PTPRS: variants seen among roughly 807,000 people sequenced by gnomAD.
PTPRS encodes protein tyrosine phosphatase receptor type S, also known as receptor-type tyrosine-protein phosphatase S.
A neutral mutation model predicts 215.3 loss-of-function variants in PTPRS; 63 were observed. That is an observed-to-expected ratio of 0.29 (90% CI 0.24 to 0.36). PTPRS has a LOEUF of 0.36. Ranked by LOEUF, PTPRS falls within the 10% of genes least tolerant of loss-of-function variation. The probability of loss-of-function intolerance (pLI) is 1.00; values close to 1 mark genes in which losing one functional copy is unlikely to be tolerated. For missense variants in PTPRS, 2,258 were observed against 2,825.8 expected (o/e 0.80, Z 4.56); for synonymous variants, 1,404 against 1,191.4 (o/e 1.18, Z -3.68).
chr19:5,309,271 C>T (rs960621881), intron 1 of PTPRS, among the ~76,000 whole-genome samples: 2 of 152,196 alleles, frequency 1.3e-5, no homozygotes, highest in African/African-American at 4.8e-5. Context: ...TGGGCTTCAG[C>T]CCCCTGGTCT....
At chr19:5,284,188 G>A (rs1287772485) in intron 2 of PTPRS, among the ~76,000 whole-genome samples, 4 of 150,092 alleles carry the variant, frequency 2.7e-5, no homozygotes, top group Non-Finnish European at 4.4e-5. Flanking sequence ...GTGAAACCCC[G>A]TCTCTACTAA....
At chr19:5,286,595 G>A (rs767534123) in intron 1 of PTPRS, among the ~76,000 whole-genome samples, 7 of 152,162 alleles carry the variant, frequency 4.6e-5, no homozygotes, top group Non-Finnish European at 8.8e-5. Flanking sequence ...TGAGGACACA[G>A]GGAGAAGATG....
At chr19:5,212,300 G>A (rs45439595) in intron 31 of PTPRS, 37 bp downstream of exon 31, 57,483 of 1,608,798 alleles carry the variant, frequency 0.036, 1,292 homozygotes, top group Middle Eastern at 0.096. Context: ...TGCGGGGACC[G>A]GGGGGAAGCG....
chr19:5,262,511 C>T (rs1390725287), intron 6 of PTPRS, among the ~76,000 whole-genome samples: 1 of 152,178 alleles, frequency 6.6e-6, no homozygotes, highest in Admixed American at 6.5e-5. Flanking sequence ...CCAGTAGCAG[C>T]TAGGCTGGAA....
rs1189981737 is a variant in PTPRS at position 5,244,679 on chromosome 19, C to T, written c.989-197G>A. ...CCAGGGTCCACCCAGTACCCATTTT[C>T]TTTTTTTAATTTTTCTTTGAGATGG... On this transcript the variant is annotated intron_variant, in intron 10 of 37. Transcript: ENST00000262963. This position sits in a 1 kb window ranked among gnomAD's most constrained non-coding sequence, Gnocchi z 7.2. Among the ~76,000 whole-genome samples, 2 of 152,112 alleles carry T rather than the reference C, an allele frequency of 1.3e-5. No individual in the cohort carries two copies. Among genetic ancestry groups the T allele is most frequent in the African/African-American group, 2.4e-5 (1 of 41,424 alleles).
intron 2 of PTPRS, among the ~76,000 whole-genome samples, chr19:5,284,222 T>C (rs2048126968): frequency 6.6e-6 from 1 of 151,410 alleles, no homozygotes; most frequent in African/African-American, 2.4e-5. Flanking sequence ...TAGCCGGGTG[T>C]GGTGGCTGGC....
intron 1 of PTPRS, among the ~76,000 whole-genome samples, chr19:5,311,281 A>G (rs183427647): frequency 6.5e-4 from 99 of 152,142 alleles, no homozygotes; most frequent in African/African-American, 2.2e-3. Context: ...AAGTGCTGGG[A>G]TTATAGGCTG....
chr19:5,325,465 G>A (rs2050143507), intron 1 of PTPRS, among the ~76,000 whole-genome samples: 1 of 152,224 alleles, frequency 6.6e-6, no homozygotes, highest in South Asian at 2.1e-4. Context: ...TCTCAAACCA[G>A]CGCATCTGAG....
intron 13 of PTPRS, among the ~76,000 whole-genome samples, chr19:5,233,135 G>A (rs1025932121): frequency 2.0e-5 from 3 of 148,648 alleles, no homozygotes; most frequent in African/African-American, 7.5e-5. Context: ...CACCTACTAC[G>A]TGTCAAGCAT....
Position 5,240,213 on chromosome 19 carries a change from C to T in PTPRS, c.1690G>A (p.Asp564Asn), listed in dbSNP as rs1405851239. 7.1e-6 allele frequency: 11 copies of T among 1,547,286 alleles called. No individual in the cohort carries two copies. The East Asian group carries it at 9.8e-5, about 14-fold the overall frequency. The change falls in exon 12 of 38, where the codon GAC becomes AAC. Residue 564 changes from aspartate (D) to asparagine (N), a missense_variant. Coordinates refer to ENST00000262963, the MANE Select transcript of PTPRS (RefSeq NM_002850.4). Reference sequence around the variant, plus strand: ...CGCTGCCTCACCTCCCGGCCATGGTCGCCTTCCCGGAAGAGGAGCTCGTAC... The same window carrying T: ...CGCTGCCTCACCTCCCGGCCATGGTTGCCTTCCCGGAAGAGGAGCTCGTAC... ...IKYELLFREGDHGREVGRTFD... is the reference protein window; with the variant it reads ...IKYELLFREGNHGREVGRTFD...
intron 1 of PTPRS, among the ~76,000 whole-genome samples, chr19:5,300,674 G>A (rs956469526): frequency 6.6e-6 from 1 of 150,954 alleles, no homozygotes; most frequent in Non-Finnish European, 1.5e-5. Flanking sequence ...GGGAGGCTGA[G>A]GCAGGATTGC....
chr19:5,224,077 G>A (rs2042255713), intron 17 of PTPRS, among the ~76,000 whole-genome samples: 1 of 152,112 alleles, frequency 6.6e-6, no homozygotes, highest in Non-Finnish European at 1.5e-5. Flanking sequence ...TACTCAGGAG[G>A]CTGTGGCAGG....
Position 5,238,906 on chromosome 19 carries a change from G to T in PTPRS, c.1849+13C>A, listed in dbSNP as rs376549717. ...CCCTCCCGCAGAGAAGGGCGGCCCCGCGAGACACCTACTGGACTGCAGCGT... is the reference window on the plus strand; with the variant it reads ...CCCTCCCGCAGAGAAGGGCGGCCCCTCGAGACACCTACTGGACTGCAGCGT... On this transcript the variant is annotated intron_variant, in intron 13 of 37. Transcript: ENST00000262963. 1.0e-5 allele frequency: 16 copies of T among 1,576,988 alleles called. No homozygotes were observed. The highest frequency in any genetic ancestry group is 1.3e-5 in the Non-Finnish European group (15 of 1,165,510).
At chr19:5,247,442 G>C (rs10420529) in intron 9 of PTPRS, among the ~76,000 whole-genome samples, 18 of 151,952 alleles carry the variant, frequency 1.2e-4, no homozygotes, top group African/African-American at 3.1e-4. Flanking sequence ...GCTGGCCCAC[G>C]GGGGCTGTTT....
At chr19:5,325,714 T>C (rs2147246015) in intron 1 of PTPRS, among the ~76,000 whole-genome samples, 1 of 152,382 alleles carries the variant, frequency 6.6e-6, no homozygotes, top group African/African-American at 2.4e-5. Context: ...GCCTCCTTCC[T>C]GCCTGCCGAG....
intron 6 of PTPRS, 72 bp downstream of exon 6, chr19:5,262,892 G>T: frequency 6.8e-7 from 1 of 1,461,242 alleles, no homozygotes; most frequent in South Asian, 1.2e-5. Context: ...GTTTGGTGAG[G>T]AGAAGGGGAG....
chr19:5,216,630 G>C (rs1222041050), intron 26 of PTPRS, 90 bp downstream of exon 26: 1 of 1,131,698 alleles, frequency 8.8e-7, no homozygotes, highest in African/African-American at 1.5e-5. Context: ...TGGGCGTGTG[G>C]ACAGAGACAG....
chr19:5,220,056 C>T lies in PTPRS; in HGVS notation c.3648G>A (p.Leu1216=). The change falls in exon 22 of 38, where the codon CTG becomes CTA. Residue 1216 remains leucine, a synonymous_variant. Coordinates refer to ENST00000262963, the MANE Select transcript of PTPRS (RefSeq NM_002850.4). ...RPYIAARFSV[L]PPTFHPGDQK... ...GGTCGCCGGGATGGAACGTGGGTGGCAGCACAGAGAAGCGAGCTGCAATAT... is the reference window on the plus strand; with the variant it reads ...GGTCGCCGGGATGGAACGTGGGTGGTAGCACAGAGAAGCGAGCTGCAATAT... 6.2e-7 allele frequency: 1 copy of T among 1,614,044 alleles called. No homozygotes were observed.
chr19:5,273,647 G>A, intron 3 of PTPRS, 64 bp from the exon 4 acceptor site: 1 of 1,567,792 alleles, frequency 6.4e-7, no homozygotes, highest in Middle Eastern at 1.7e-4. Context: ...TCCTGTCTAG[G>A]CTGGGCTAGG....
Sources: gnomAD v4.1 joint callset for allele counts (sites outside exome capture counted in the v4.1 genomes callset) on GRCh38, gnomAD v4.1.1 for gene constraint, Gnocchi (gnomAD v3.1) non-coding constraint, MANE v1.5 for transcripts, NCBI Gene and HGNC (gene_info 2026-07-23, HGNC 2026-07-21) for gene names.